The following SLC14A2 variants were observed in gnomAD, a reference collection of about 807,000 sequenced individuals.
SLC14A2 encodes the protein urea transporter 2.
SLC14A2 carries 91 observed loss-of-function variants against 104.6 expected under a neutral mutation model. That is an observed-to-expected ratio of 0.87 (90% CI 0.73 to 1.04). The LOEUF is 1.04. SLC14A2 is among the 50% of genes least tolerant of loss of function. The pLI, the probability that SLC14A2 is intolerant of heterozygous loss-of-function variation, is 0.00. For synonymous variants in SLC14A2, 476 were observed against 466.4 expected (o/e 1.02, Z -0.27); for missense variants, 1,189 against 1,156.0 (o/e 1.03, Z -0.41).
intron 1 of SLC14A2, among the ~76,000 whole-genome samples, chr18:45,394,098 C>T (rs1362358995): frequency 6.6e-6 from 1 of 152,184 alleles, no homozygotes. Flanking sequence ...ATATTATGAA[C>T]ATTGATTACT....
At chr18:45,649,925 G>T (rs1003683989) in intron 10 of SLC14A2, among the ~76,000 whole-genome samples, 9 of 152,192 alleles carry the variant, frequency 5.9e-5, no homozygotes, top group Admixed American at 4.6e-4. Flanking sequence ...CTAAGCCCAG[G>T]GGCGTGTCTT....
intron 2 of SLC14A2, among the ~76,000 whole-genome samples, chr18:45,503,898 C>T (rs566326320): frequency 1.9e-4 from 28 of 146,094 alleles, no homozygotes; most frequent in Non-Finnish European, 3.7e-4. Flanking sequence ...TTCTGAACCT[C>T]AGGATCAAAG....
chr18:45,399,330 C>A (rs538369179), intron 1 of SLC14A2, among the ~76,000 whole-genome samples: 1 of 152,304 alleles, frequency 6.6e-6, no homozygotes, highest in African/African-American at 2.4e-5. Context: ...CTTCAAGAGG[C>A]AAGCTTGCAG....
chr18:45,328,421 T>A (rs2085257279), intron 1 of SLC14A2, among the ~76,000 whole-genome samples: 1 of 152,192 alleles, frequency 6.6e-6, no homozygotes. Context: ...AAGCCAACTC[T>A]GTCACAGCAT....
At position 45,590,510 on chromosome 18, in the gene SLC14A2, C is replaced by A. The variant is rs542092617; in HGVS notation, c.-34-34121C>A. ...GTGAATTGGTTTTGTTTTCTGGAAA[C>A]CGCCACAGGACATGGGCAATTGCAG... On this transcript the variant is annotated intron_variant, in intron 2 of 20. Coordinates refer to the SLC14A2 transcript ENST00000586448. Among the ~76,000 whole-genome samples the A allele has an allele frequency of 3.3e-5, 5 of 152,258 alleles. No homozygotes were observed. The South Asian group carries it at 1.0e-3, about 32-fold the overall frequency.
chr18:45,631,377 C>T (rs1265181523), intron 4 of SLC14A2, among the ~76,000 whole-genome samples: 1 of 152,218 alleles, frequency 6.6e-6, no homozygotes, highest in Non-Finnish European at 1.5e-5. Flanking sequence ...ACAGCCTATG[C>T]CCCTCACCCG....
chr18:45,195,393 GA>G, the SLC14A2 span, among the ~76,000 whole-genome samples: 1 of 150,718 alleles, frequency 6.6e-6, no homozygotes, highest in South Asian at 2.1e-4. Context: ...TGGGGAATAA[GA>G]ATTTTTTTTT....
intron 2 of SLC14A2, among the ~76,000 whole-genome samples, chr18:45,518,894 C>T (rs190480550): frequency 6.2e-4 from 94 of 152,270 alleles, no homozygotes; most frequent in African/African-American, 2.1e-3. Flanking sequence ...TCAGGGAAAA[C>T]GAGATGTGTC....
intron 1 of SLC14A2, among the ~76,000 whole-genome samples, chr18:45,442,117 T>C (rs761362925): frequency 2.6e-5 from 4 of 152,186 alleles, no homozygotes; most frequent in Non-Finnish European, 5.9e-5. Flanking sequence ...GAGCAGAGCA[T>C]GCAGATCCAA....
chr18:45,473,419 C>T (rs1013754668), intron 1 of SLC14A2, among the ~76,000 whole-genome samples: 1 of 152,156 alleles, frequency 6.6e-6, no homozygotes, highest in African/African-American at 2.4e-5. Context: ...AGAAGAAAGC[C>T]AATGGTAGCT....
chr18:45,177,502 A>G, the SLC14A2 span, among the ~76,000 whole-genome samples: 1,179 of 152,004 alleles, frequency 7.8e-3, 20 homozygotes, highest in African/African-American at 0.027. Context: ...CCAGCCGCAG[A>G]TTTTCTTTTA....
chr18:45,483,653 G>T (rs1598894034), intron 2 of SLC14A2, among the ~76,000 whole-genome samples: 1 of 152,152 alleles, frequency 6.6e-6, no homozygotes, highest in African/African-American at 2.4e-5. Flanking sequence ...GAGAGGGAAT[G>T]GGTGAGAGAA....
chr18:45,375,597 C>T (rs1421673921), intron 1 of SLC14A2, among the ~76,000 whole-genome samples: 1 of 152,210 alleles, frequency 6.6e-6, no homozygotes, highest in African/African-American at 2.4e-5. Context: ...ACTCTGGTCT[C>T]CTGCACGGCC....
intron 1 of SLC14A2, among the ~76,000 whole-genome samples, chr18:45,431,809 T>C (rs2086520027): frequency 6.6e-6 from 1 of 152,224 alleles, no homozygotes; most frequent in Admixed American, 6.5e-5. Context: ...GGGCCCATGG[T>C]AGCCAATAGG....
intron 1 of SLC14A2, among the ~76,000 whole-genome samples, chr18:45,281,552 A>T (rs558231104): frequency 2.6e-4 from 40 of 152,366 alleles, no homozygotes; most frequent in African/African-American, 8.9e-4. Flanking sequence ...TTTCCAATCC[A>T]AATTTCATTT....
At chr18:45,405,952 T>G (rs2144472064) in intron 1 of SLC14A2, among the ~76,000 whole-genome samples, 1 of 152,294 alleles carries the variant, frequency 6.6e-6, no homozygotes, top group African/African-American at 2.4e-5. Context: ...AGTTGTAATT[T>G]TTTTTACTGG....
At chr18:45,586,498 T>C (rs2044568696) in intron 2 of SLC14A2, among the ~76,000 whole-genome samples, 1 of 152,184 alleles carries the variant, frequency 6.6e-6, no homozygotes, top group Non-Finnish European at 1.5e-5. Flanking sequence ...ATGATTTGAC[T>C]TAGGTTTGCA....
intron 1 of SLC14A2, among the ~76,000 whole-genome samples, chr18:45,317,930 G>A (rs2085145852): frequency 6.6e-6 from 1 of 152,118 alleles, no homozygotes; most frequent in Admixed American, 6.5e-5. Context: ...CATGCTTCAT[G>A]AGCCCCACCT....
intron 2 of SLC14A2, among the ~76,000 whole-genome samples, chr18:45,538,475 A>G: frequency 6.6e-6 from 1 of 152,132 alleles, no homozygotes; most frequent in East Asian, 1.9e-4. Flanking sequence ...ATCCACTCCT[A>G]ATCTCATCAC....
Sources: allele counts gnomAD v4.1 joint callset (sites outside exome capture counted in the v4.1 genomes callset), GRCh38; gene constraint gnomAD v4.1.1; transcripts MANE v1.5; gene names NCBI Gene and HGNC (gene_info 2026-07-23, HGNC 2026-07-21).